Variants in SLC28A3 observed in about 807,000 individuals in gnomAD.
The protein encoded by SLC28A3 is solute carrier family 28 member 3, also known as concentrative Na(+)-nucleoside cotransporter 3.
Under a neutral mutation model 84.2 loss-of-function variants are expected in SLC28A3, and 68 were observed. The ratio of observed to expected loss-of-function variants is 0.81; its 90% CI spans 0.66 to 0.99. The LOEUF is 0.99. Ranked by LOEUF, SLC28A3 falls within the 50% of genes least tolerant of loss-of-function variation. SLC28A3 has a pLI of 0.00. For synonymous variants in SLC28A3, 267 were observed against 303.6 expected, an observed-to-expected ratio of 0.88 and a Z score of 1.25; for missense variants, 712 against 841.5, an observed-to-expected ratio of 0.85 and a Z score of 1.90.
At chr9:84,322,238 TAGA>T (rs1263395901) in intron 1 of SLC28A3, among the ~76,000 whole-genome samples, 1 of 151,998 alleles carries the variant, frequency 6.6e-6, no homozygotes, top group Non-Finnish European at 1.5e-5. Flanking sequence ...TGGAATAAGA[TAGA>T]AGAAGAAGAA....
At position 84,276,666 on chromosome 9, in the gene SLC28A3, AAAT is replaced by A. The variant is rs1463388868; in HGVS notation, c.*1549_*1551del. On this transcript the variant is annotated 3_prime_UTR_variant, in exon 18 of 18. Transcript: ENST00000376238. ...ATTGAGCTCCAAGGAAAATTGATACAAATAATAAGAAATATTTTAGTATATCAT... is the reference window on the plus strand; with the variant it reads ...ATTGAGCTCCAAGGAAAATTGATACAAATAAGAAATATTTTAGTATATCAT... The A allele has an allele frequency of 6.8e-4, 104 of 151,840 alleles. 1 individual carries two copies. The highest frequency in any genetic ancestry group is 2.2e-3 in the African/African-American group (92 of 41,238). The allele number at this position is 151,840 out of a possible 1,614,324, so 9.4% of individuals were successfully genotyped here. A position where few individuals can be genotyped will look rare whatever the true frequency, so the allele number is the denominator to read the frequency against.
intron 5 of SLC28A3, 69 bp from the exon 6 acceptor site, chr9:84,299,794 A>ATT (rs200253055): frequency 2.2e-3 from 2,684 of 1,237,352 alleles, no homozygotes; most frequent in East Asian, 9.1e-3. Flanking sequence ...ATCAGGCTTA[A>ATT]TTTTTTTTTT....
chr9:84,332,550 T>C (rs1031824361), intron 1 of SLC28A3, among the ~76,000 whole-genome samples: 1 of 152,112 alleles, frequency 6.6e-6, no homozygotes, highest in Non-Finnish European at 1.5e-5. Flanking sequence ...GAAAAACCCA[T>C]GAAGGTAACT....
chr9:84,291,393 A>G (rs1025952802), intron 10 of SLC28A3, among the ~76,000 whole-genome samples: 2 of 152,046 alleles, frequency 1.3e-5, no homozygotes, highest in African/African-American at 4.8e-5. Context: ...CTGGAGTGCA[A>G]TGGCATGATC....
the SLC28A3 span, among the ~76,000 whole-genome samples, chr9:84,366,430 GATGGTGTTGATGCTAGT>G: frequency 5.9e-4 from 90 of 152,232 alleles, no homozygotes; most frequent in Non-Finnish European, 1.2e-3. Flanking sequence ...TGTTTTCCTG[GATGGTGTTGATGCTAGT>G]AGATGTTCTT....
chr9:84,360,364 A>C, the SLC28A3 span, among the ~76,000 whole-genome samples: 2 of 152,126 alleles, frequency 1.3e-5, no homozygotes, highest in African/African-American at 4.8e-5. Context: ...GAGCCACTGA[A>C]GATAACCTGG....
the SLC28A3 span, among the ~76,000 whole-genome samples, chr9:84,352,206 C>T: frequency 2.0e-5 from 3 of 151,810 alleles, no homozygotes; most frequent in Admixed American, 2.0e-4. Flanking sequence ...TTTTTTAAGA[C>T]AGAGTCTCGC....
chr9:84,348,855 A>G, the SLC28A3 span, among the ~76,000 whole-genome samples: 1 of 151,946 alleles, frequency 6.6e-6, no homozygotes, highest in Non-Finnish European at 1.5e-5. Context: ...TCCAGCGGCT[A>G]GTGCCATGCT....
chr9:84,283,368 A>G (rs999442970), intron 14 of SLC28A3, among the ~76,000 whole-genome samples: 3 of 152,256 alleles, frequency 2.0e-5, no homozygotes, highest in Non-Finnish European at 2.9e-5. Context: ...CTGATAGTGA[A>G]AAAACAGATA....
rs1564149865 is a variant in SLC28A3 at position 84,290,227 on chromosome 9, TCAG to T, written c.1073_1075del (p.Ser358_Glu359delinsTer). 3 of 1,613,934 alleles carry T rather than the reference TCAG, an allele frequency of 1.9e-6. No homozygotes were observed. In the East Asian group the frequency reaches 6.7e-5, roughly 36 times the overall value. ...CCCGGCGGTCATGATGGCGTGGAGT[TCAG>T]ACTTGGTGATGTAAGGTAAATATGG... On this transcript the variant is annotated stop_gained and inframe_deletion, in exon 11 of 18. Coordinates refer to ENST00000376238, the MANE Select transcript of SLC28A3 (RefSeq NM_001199633.2). LOFTEE classifies it high-confidence loss of function.
intron 1 of SLC28A3, among the ~76,000 whole-genome samples, chr9:84,339,234 A>G (rs1012094861): frequency 6.6e-6 from 1 of 151,976 alleles, no homozygotes; most frequent in African/African-American, 2.4e-5. Context: ...GCTCTCATAC[A>G]TGTGAGATTT....
chr9:84,300,350 C>T (rs1232759008), intron 5 of SLC28A3, among the ~76,000 whole-genome samples: 1 of 152,184 alleles, frequency 6.6e-6, no homozygotes, highest in African/African-American at 2.4e-5. Context: ...TACTGGGATT[C>T]TTCACCTTTG....
intron 3 of SLC28A3, among the ~76,000 whole-genome samples, chr9:84,307,999 CTT>C (rs1825860633): frequency 6.6e-6 from 1 of 152,136 alleles, no homozygotes; most frequent in Non-Finnish European, 1.5e-5. Context: ...AAGGATAAAA[CTT>C]TGCTATGTTT....
chr9:84,296,349 A>G (rs766981443), intron 8 of SLC28A3, among the ~76,000 whole-genome samples: 5 of 152,208 alleles, frequency 3.3e-5, no homozygotes, highest in Non-Finnish European at 5.9e-5. Context: ...GCCTGCCACT[A>G]AACTGCTGGT....
intron 12 of SLC28A3, 79 bp downstream of exon 12, chr9:84,287,969 A>G (rs1027273958): frequency 1.3e-6 from 2 of 1,573,864 alleles, no homozygotes; most frequent in Admixed American, 3.5e-5. Context: ...CGGTTATCAA[A>G]TTTTTGCTGT....
At chr9:84,284,153 A>G (rs545161670) in intron 14 of SLC28A3, among the ~76,000 whole-genome samples, 2 of 152,330 alleles carry the variant, frequency 1.3e-5, no homozygotes, top group Middle Eastern at 3.4e-3. Context: ...GCAACTGGCA[A>G]TTGGGGATAG....
intron 8 of SLC28A3, among the ~76,000 whole-genome samples, chr9:84,295,073 C>T (rs1050831317): frequency 6.6e-6 from 1 of 152,142 alleles, no homozygotes; most frequent in Non-Finnish European, 1.5e-5. Context: ...GAGTCCCCCT[C>T]AATAAACCCT....
At chr9:84,354,301 G>A in the SLC28A3 span, among the ~76,000 whole-genome samples, 1 of 152,210 alleles carries the variant, frequency 6.6e-6, no homozygotes, top group African/African-American at 2.4e-5. Context: ...TGGGGCATAG[G>A]GCTGTGCATG....
intron 1 of SLC28A3, among the ~76,000 whole-genome samples, chr9:84,329,916 A>C (rs1285892749): frequency 6.8e-6 from 1 of 146,204 alleles, no homozygotes; most frequent in Non-Finnish European, 1.5e-5. Context: ...AAATTTATGA[A>C]TATCGCTAAA....
Sources: allele counts gnomAD v4.1 joint callset (sites outside exome capture counted in the v4.1 genomes callset), GRCh38; gene constraint gnomAD v4.1.1; transcripts MANE v1.5; gene names NCBI Gene and HGNC (gene_info 2026-07-23, HGNC 2026-07-21).